The following TANC1 variants were observed in gnomAD, a reference collection of about 807,000 sequenced individuals.
The protein encoded by TANC1 is protein TANC1.
TANC1 carries 77 observed loss-of-function variants against 149.7 expected under a neutral mutation model. The ratio of observed to expected loss-of-function variants is 0.51; its 90% CI spans 0.43 to 0.62. The LOEUF (loss-of-function observed/expected upper bound fraction) is 0.62. Among genes scored for constraint, TANC1 ranks in the 20% least tolerant of loss-of-function variants. The probability of loss-of-function intolerance (pLI) is 0.00; values close to 1 mark genes in which losing one functional copy is unlikely to be tolerated. For missense variants in TANC1, 1,985 were observed against 2,321.8 expected, an observed-to-expected ratio of 0.85 and a Z score of 2.98; for synonymous variants, 854 against 925.0, an observed-to-expected ratio of 0.92 and a Z score of 1.39.
intron 2 of TANC1, among the ~76,000 whole-genome samples, chr2:159,013,791 A>G (rs2038002740): frequency 6.6e-6 from 1 of 152,190 alleles, no homozygotes; most frequent in South Asian, 2.1e-4. Flanking sequence ...CAGGTACCAG[A>G]AAGTAGATGG....
chr2:158,989,724 A>G (rs2035414980), intron 1 of TANC1, among the ~76,000 whole-genome samples: 1 of 152,030 alleles, frequency 6.6e-6, no homozygotes, highest in Admixed American at 6.6e-5. Flanking sequence ...TATCCATAAT[A>G]ATTATGAAGA....
At chr2:159,101,106 T>C (rs2046647480) in intron 4 of TANC1, among the ~76,000 whole-genome samples, 1 of 152,152 alleles carries the variant, frequency 6.6e-6, no homozygotes, top group African/African-American at 2.4e-5. Context: ...CTTGATGACT[T>C]TTGTTCTGAT....
rs1482380003 is a variant in TANC1, at chr2:159,221,235, G to A, written c.3678+1368G>A. On this transcript the variant is annotated intron_variant, in intron 22 of 26. Transcript: ENST00000263635. Reference sequence around the variant, plus strand: ...GTATCTACTAAAAATACAAAAATTAGCTGGGCGTGGTGGCGGGTGCCTGTA... The same window carrying A: ...GTATCTACTAAAAATACAAAAATTAACTGGGCGTGGTGGCGGGTGCCTGTA... Among the ~76,000 whole-genome samples, 5 of 152,026 alleles carry A rather than the reference G, an allele frequency of 3.3e-5. No individual in the cohort carries two copies. The South Asian group carries it at 1.0e-3, about 32-fold the overall frequency.
rs555247357 is a variant in TANC1 at position 159,182,584 on chromosome 2, G to A, written c.2511-3207G>A. Among the ~76,000 whole-genome samples, 3 of 152,172 alleles carry A rather than the reference G, an allele frequency of 2.0e-5. No homozygotes were observed. The East Asian group carries it at 5.8e-4, about 29-fold the overall frequency. The stretch of plus-strand genomic sequence containing the variant: ...ATTTATTTGTTTAAAAAGGGCAGCT[G>A]GGTAGTTCATCCTGTATAGTTTCCC... On this transcript the variant is annotated intron_variant, in intron 14 of 26. Coordinates refer to ENST00000263635, the MANE Select transcript of TANC1 (RefSeq NM_033394.3).
At chr2:159,155,619 C>G (rs1038476442) in intron 7 of TANC1, among the ~76,000 whole-genome samples, 1 of 152,204 alleles carries the variant, frequency 6.6e-6, no homozygotes, top group Non-Finnish European at 1.5e-5. Flanking sequence ...CCGCCACATT[C>G]CACCTGGCTA....
At chr2:159,142,687 T>C (rs1252739352) in intron 5 of TANC1, among the ~76,000 whole-genome samples, 1 of 151,854 alleles carries the variant, frequency 6.6e-6, no homozygotes, top group African/African-American at 2.4e-5. Flanking sequence ...AAAGAATGAC[T>C]GACAACCCAT....
At chr2:159,105,832 T>C (rs577110544) in intron 4 of TANC1, among the ~76,000 whole-genome samples, 3 of 152,336 alleles carry the variant, frequency 2.0e-5, no homozygotes, top group Admixed American at 6.5e-5. Context: ...GATGAATTAT[T>C]ATATTCTTAA....
At chr2:159,065,385 A>G (rs1242984989) in intron 2 of TANC1, among the ~76,000 whole-genome samples, 1 of 152,206 alleles carries the variant, frequency 6.6e-6, no homozygotes, top group African/African-American at 2.4e-5. Flanking sequence ...CACTGTATTT[A>G]TTTTGCAAAT....
Position 159,184,284 on chromosome 2 carries a change from C to T in TANC1, c.2511-1507C>T, listed in dbSNP as rs6715659. Among the ~76,000 whole-genome samples the T allele has an allele frequency of 2.0e-5, 3 of 152,172 alleles. No individual in the cohort carries two copies. The South Asian group carries it at 6.2e-4, about 32-fold the overall frequency. ...TAACAGAATCATGAATGCAGATTGT[C>T]TTAGAAGGGGATTGCTTGGTCTCAA... On this transcript the variant is annotated intron_variant, in intron 14 of 26. Coordinates refer to ENST00000263635, the MANE Select transcript of TANC1 (RefSeq NM_033394.3).
chr2:159,117,867 T>G (rs1013406129), intron 4 of TANC1, among the ~76,000 whole-genome samples: 1 of 152,056 alleles, frequency 6.6e-6, no homozygotes, highest in South Asian at 2.1e-4. Flanking sequence ...CTTGGCAGTT[T>G]TGGGGAGTGC....
intron 2 of TANC1, chr2:159,056,318 A>T (rs576750014): frequency 9.8e-4 from 153 of 156,474 alleles, no homozygotes; most frequent in Non-Finnish European, 1.6e-3. Flanking sequence ...TTATTTATTT[A>T]TTTTTTTTTT....
chr2:159,034,527 A>G (rs2040028567), intron 2 of TANC1, among the ~76,000 whole-genome samples: 1 of 152,158 alleles, frequency 6.6e-6, no homozygotes, highest in Admixed American at 6.6e-5. Context: ...TTTTAAAGCT[A>G]CCTAGGAGAT....
chr2:159,019,140 T>C (rs1012870512), intron 2 of TANC1, among the ~76,000 whole-genome samples: 1 of 152,158 alleles, frequency 6.6e-6, no homozygotes, highest in Non-Finnish European at 1.5e-5. Flanking sequence ...GCATGGCTGG[T>C]GTGCAGCAGA....
chr2:159,136,152 A>C (rs778848679), intron 4 of TANC1, 42 bp from the exon 5 acceptor site: 1 of 1,200,206 alleles, frequency 8.3e-7, no homozygotes, highest in South Asian at 1.2e-5. Context: ...CTTTGTTTGC[A>C]TCTGGAAAAA....
intron 2 of TANC1, among the ~76,000 whole-genome samples, chr2:159,014,959 G>A (rs556403212): frequency 2.5e-4 from 38 of 152,278 alleles, no homozygotes; most frequent in Admixed American, 1.4e-3. Context: ...GATTTTCCAC[G>A]CGCACAGTGC....
chr2:159,199,105 G>A (rs563180956), intron 19 of TANC1, 52 bp downstream of exon 19: 5 of 1,451,362 alleles, frequency 3.4e-6, no homozygotes, highest in Admixed American at 3.4e-5. Flanking sequence ...TGATGTTTTA[G>A]CCCTATTTTG....
intron 10 of TANC1, among the ~76,000 whole-genome samples, chr2:159,171,599 G>T (rs1013330577): frequency 6.6e-6 from 1 of 152,170 alleles, no homozygotes; most frequent in Non-Finnish European, 1.5e-5. Flanking sequence ...CCTCATGCCT[G>T]TAATCCCAGC....
chr2:159,226,791 C>T (rs565276299), intron 24 of TANC1: 4 of 152,106 alleles, frequency 2.6e-5, no homozygotes, highest in African/African-American at 9.7e-5. Flanking sequence ...GTCACAACTC[C>T]CCAGTTCTGA....
chr2:159,184,233 G>A (rs2056766108), intron 14 of TANC1, among the ~76,000 whole-genome samples: 2 of 152,264 alleles, frequency 1.3e-5, no homozygotes, highest in African/African-American at 4.8e-5. Context: ...TAGAGTAAGA[G>A]CTTGATACCT....
Sources: gnomAD v4.1 joint callset for allele counts (sites outside exome capture counted in the v4.1 genomes callset) on GRCh38, gnomAD v4.1.1 for gene constraint, MANE v1.5 for transcripts, NCBI Gene and HGNC (gene_info 2026-07-23, HGNC 2026-07-21) for gene names.